The following PXDN variants were observed in gnomAD, a reference collection of about 807,000 sequenced individuals.
The protein encoded by PXDN is peroxidasin, also known as peroxidasin homolog.
PXDN carries 77 observed loss-of-function variants against 140.3 expected under a neutral mutation model. The ratio of observed to expected loss-of-function variants is 0.55; its 90% CI spans 0.46 to 0.66. The LOEUF is 0.66. Ranked by LOEUF, PXDN falls within the 30% of genes least tolerant of loss-of-function variation. PXDN has a pLI of 0.00. For missense variants in PXDN, 1,838 were observed against 2,039.5 expected, an observed-to-expected ratio of 0.90 and a Z score of 1.90; for synonymous variants, 911 against 857.4, an observed-to-expected ratio of 1.06 and a Z score of -1.09.
At chr2:1,684,448 G>A (rs1264708358) in intron 4 of PXDN, among the ~76,000 whole-genome samples, 3 of 152,080 alleles carry the variant, frequency 2.0e-5, no homozygotes, top group African/African-American at 7.2e-5. Context: ...GGCCTGACTC[G>A]GCCATTTTCA....
Position 1,639,537 on chromosome 2 carries a change from C to T in PXDN, c.3953-115G>A, listed in dbSNP as rs1465696105. On this transcript the variant is annotated intron_variant, in intron 19 of 22. Coordinates refer to ENST00000252804, the MANE Select transcript of PXDN (RefSeq NM_012293.3). This position sits in a 1 kb window ranked among gnomAD's most constrained non-coding sequence, Gnocchi z 5.0. ...TGGCTGCCCGTGGAACAAACTGTGG[C>T]ACATTTCAGTGAGGCAACCTGGCAG... 2.0e-5 allele frequency: 30 copies of T among 1,504,268 alleles called. No homozygotes were observed. The East Asian group carries it at 5.4e-4, about 27-fold the overall frequency. 93.2% of individuals were successfully genotyped at this position (1,504,268 alleles called of 1,614,324 possible).
At position 1,685,014 on chromosome 2, in the gene PXDN, A is replaced by G. The variant is rs1684016288; in HGVS notation, c.417-863T>C. On this transcript the variant is annotated intron_variant, in intron 4 of 22. Transcript: ENST00000252804. This position sits in a 1 kb window ranked among gnomAD's most constrained non-coding sequence, Gnocchi z 5.1. The stretch of plus-strand genomic sequence containing the variant: ...AAAGAAGCAGCATGCCAGCGTTCAC[A>G]GGTCTTCATAACTCCACAGAAAGGA... 1.3e-5 allele frequency among the ~76,000 whole-genome samples: 2 copies of G among 152,210 alleles called. No individual in the cohort carries two copies. The highest frequency in any genetic ancestry group is 4.8e-5 in the African/African-American group (2 of 41,474).
chr2:1,693,318 T>G (rs1684225410), intron 1 of PXDN, among the ~76,000 whole-genome samples, 184 bp from the exon 2 acceptor site: 1 of 152,240 alleles, frequency 6.6e-6, no homozygotes, highest in Admixed American at 6.5e-5. Context: ...GTCTGAATGG[T>G]GGAACACCAG....
At chr2:1,740,263 A>T (rs1220126681) in intron 1 of PXDN, among the ~76,000 whole-genome samples, 3 of 152,142 alleles carry the variant, frequency 2.0e-5, no homozygotes, top group Admixed American at 2.0e-4. Flanking sequence ...GTGCCAGGCA[A>T]CAAACACCCT....
At chr2:1,636,474 A>C (rs1682562184) in intron 21 of PXDN, 1 of 152,198 alleles carries the variant, frequency 6.6e-6, no homozygotes, top group African/African-American at 2.4e-5. Context: ...TCACCTATGC[A>C]CACATCATGC....
chr2:1,656,151 CACCAA>C (rs972017206), intron 14 of PXDN, among the ~76,000 whole-genome samples: 13 of 151,806 alleles, frequency 8.6e-5, no homozygotes, highest in Non-Finnish European at 1.5e-4. Context: ...TACACAAACA[CACCAA>C]ACCAAAGAAA....
intron 1 of PXDN, among the ~76,000 whole-genome samples, chr2:1,694,686 T>C (rs1180767152): frequency 6.6e-6 from 1 of 152,188 alleles, no homozygotes; most frequent in Non-Finnish European, 1.5e-5. Context: ...ATATTCAGAA[T>C]ATCACTAGTG....
At chr2:1,718,866 G>A (rs746136597) in intron 1 of PXDN, among the ~76,000 whole-genome samples, 3 of 152,234 alleles carry the variant, frequency 2.0e-5, no homozygotes, top group Non-Finnish European at 2.9e-5. Context: ...AAGGCAGAGC[G>A]GGCAGCTCCC....
rs1682652670 is a variant in PXDN, at chr2:1,639,188, C to T, written c.4073+114G>A. 3.3e-6 allele frequency: 5 copies of T among 1,508,680 alleles called. No individual in the cohort carries two copies. The East Asian group carries it at 1.2e-4, about 37-fold the overall frequency. The allele number at this position is 1,508,680 out of a possible 1,614,324, so 93.5% of individuals were successfully genotyped here. ...CCTGGCCCCCAGTGCCCTGGGACGTCCCTGCCAGGAACCATCCTCGCCACA... is the reference window on the plus strand; with the variant it reads ...CCTGGCCCCCAGTGCCCTGGGACGTTCCTGCCAGGAACCATCCTCGCCACA... On this transcript the variant is annotated intron_variant, in intron 20 of 22. Coordinates refer to ENST00000252804, the MANE Select transcript of PXDN (RefSeq NM_012293.3). This position sits in a 1 kb window ranked among gnomAD's most constrained non-coding sequence, Gnocchi z 5.0.
Position 1,644,605 on chromosome 2 carries a change from T to C in PXDN, c.3743+13A>G, listed in dbSNP as rs536132183. The C allele has an allele frequency of 6.3e-7, 1 of 1,583,244 alleles. No individual in the cohort carries two copies. The highest frequency in any genetic ancestry group is 8.6e-7 in the Non-Finnish European group (1 of 1,160,822). ...CTTAGGAGCGTGCTCCCCTTTCTGG[T>C]GCACGTGCTCACCTGTCCCCATCTC... On this transcript the variant is annotated intron_variant, in intron 18 of 22. Transcript: ENST00000252804.
rs886237287 is a variant in PXDN, at chr2:1,685,771, C to T, written c.417-1620G>A. 2.0e-5 allele frequency among the ~76,000 whole-genome samples: 3 copies of T among 151,980 alleles called. No individual in the cohort carries two copies. The highest frequency in any genetic ancestry group is 7.3e-5 in the African/African-American group (3 of 41,348). On this transcript the variant is annotated intron_variant, in intron 4 of 22. Coordinates refer to ENST00000252804, the MANE Select transcript of PXDN (RefSeq NM_012293.3). The surrounding 1 kb of genome is among the most constrained non-coding windows in gnomAD (Gnocchi z 5.1). ...ACGGGAAATGACGGCCCAGGGTGCA[C>T]AGGATCTTAGAGAGGCTGGGGCCCC...
chr2:1,648,981 G>T lies in PXDN; in HGVS notation c.2799C>A (p.Arg933=). The change falls in exon 17 of 23, where the codon CGC becomes CGA. Residue 933 remains arginine (R), a synonymous_variant. Transcript: ENST00000252804. This position sits in a 1 kb window ranked among gnomAD's most constrained non-coding sequence, Gnocchi z 8.9. ...GCACGATGCCCTGCCGCAGCAGGCC[G>T]CGGTGGCTGGCCAGGTCGCGGATGC... The part of the protein sequence containing the change: ...ARSIRDLASH[R]GLLRQGIVQR... 6.2e-7 allele frequency: 1 copy of T among 1,610,196 alleles called. No individual in the cohort carries two copies.
At position 1,662,129 on chromosome 2, in the gene PXDN, A is replaced by G. The variant is rs1430225666; in HGVS notation, c.1623T>C (p.Asn541=). Residue 541 remains asparagine (N), a synonymous_variant, in exon 13 of 23, where the codon AAT becomes AAC. Coordinates refer to ENST00000252804, the MANE Select transcript of PXDN (RefSeq NM_012293.3). The part of the protein sequence containing the change: ...PSDTTVEVGA[N]VQLPCSSQGE... ...CCTGGGAGCTGCACGGGAGCTGCAC[A>G]TTGGCGCCCACCTCCACTGTTGTGT... 1.9e-6 allele frequency: 3 copies of G among 1,598,054 alleles called. No individual in the cohort carries two copies. The highest frequency in any genetic ancestry group is 2.6e-6 in the Non-Finnish European group (3 of 1,172,672).
intron 8 of PXDN, chr2:1,676,657 G>A (rs1488829564): frequency 4.0e-6 from 2 of 505,878 alleles, no homozygotes; most frequent in African/African-American, 3.8e-5. Flanking sequence ...CCTCCCACCG[G>A]GAAGGGCCGC....
At chr2:1,733,472 C>G (rs372132071) in intron 1 of PXDN, among the ~76,000 whole-genome samples, 2 of 152,084 alleles carry the variant, frequency 1.3e-5, no homozygotes, top group South Asian at 4.1e-4. Context: ...GGGCGCAGTG[C>G]GGCTCACGCA....
At chr2:1,728,992 G>T (rs1290711408) in intron 1 of PXDN, among the ~76,000 whole-genome samples, 1 of 151,908 alleles carries the variant, frequency 6.6e-6, no homozygotes, top group East Asian at 1.9e-4. Flanking sequence ...CAGCAGGCAG[G>T]GCGCTGGGCT....
At chr2:1,650,232 C>T (rs986067098) in intron 16 of PXDN, among the ~76,000 whole-genome samples, 15 of 152,186 alleles carry the variant, frequency 9.9e-5, no homozygotes, top group South Asian at 2.1e-4. Flanking sequence ...TGTTCCTAGC[C>T]GCCGCGCCCT....
In PXDN at chr2:1,643,483, G is replaced by C. The variant is rs759969490; in HGVS notation, c.3837C>G (p.Asp1279Glu). The C allele has an allele frequency of 6.2e-7, 1 of 1,613,964 alleles. No homozygotes were observed. Among genetic ancestry groups the C allele is most frequent in the Non-Finnish European group, 8.5e-7 (1 of 1,179,904 alleles). ...SLARILCDNA[D>E]NITRVQSDVF... Reference sequence around the variant, plus strand: ...CGTCGCTCTGCACCCGGGTGATGTTGTCCGCGTTGTCGCATAGGATCCTGG... The same window carrying C: ...CGTCGCTCTGCACCCGGGTGATGTTCTCCGCGTTGTCGCATAGGATCCTGG... Residue 1279 changes from aspartate to glutamate, a missense_variant, in exon 19 of 23, where the codon GAC (aspartate) becomes GAG (glutamate). Physicochemically the swap from Asp to Glu is conservative, Grantham distance 45. Coordinates refer to ENST00000252804, the MANE Select transcript of PXDN (RefSeq NM_012293.3).
At position 1,678,331 on chromosome 2, in the gene PXDN, C is replaced by T. The variant is rs185159518; in HGVS notation, c.731-1287G>A. Among the ~76,000 whole-genome samples, 4 of 152,280 alleles carry T rather than the reference C, an allele frequency of 2.6e-5. No homozygotes were observed. The East Asian group carries it at 7.7e-4, about 29-fold the overall frequency. ...ACCCTCCCATGGCTCCCCATCACCA[C>T]AAAATCAAAATAAGCTTTCGCTGCT... is the stretch of plus-strand genomic sequence containing the variant. On this transcript the variant is annotated intron_variant, in intron 7 of 22. Transcript: ENST00000252804.
Sources: gnomAD v4.1 joint callset for allele counts (sites outside exome capture counted in the v4.1 genomes callset) on GRCh38, gnomAD v4.1.1 for gene constraint, Gnocchi (gnomAD v3.1) non-coding constraint, MANE v1.5 for transcripts, NCBI Gene and HGNC (gene_info 2026-07-23, HGNC 2026-07-21) for gene names.